The following PLA2G4F variants were observed in gnomAD, a reference collection of about 807,000 sequenced individuals.
PLA2G4F encodes cytosolic phospholipase A2 zeta.
In PLA2G4F, 105 loss-of-function variants were observed where a neutral mutation model predicts 103.1. The observed-to-expected ratio is 1.02, with a 90% CI of 0.87 to 1.20. The LOEUF (loss-of-function observed/expected upper bound fraction) is 1.20, where lower values mean the gene tolerates loss of function less well. PLA2G4F is among the 50% of genes most tolerant of loss of function. The probability of loss-of-function intolerance (pLI) is 0.00; values close to 1 mark genes in which losing one functional copy is unlikely to be tolerated. For missense variants in PLA2G4F, 1,155 were observed against 1,075.9 expected, an observed-to-expected ratio of 1.07 and a Z score of -1.03; for synonymous variants, 468 against 441.1, an observed-to-expected ratio of 1.06 and a Z score of -0.76.
Position 42,142,570 on chromosome 15 carries a change from A to T in PLA2G4F, c.2287T>A (p.Phe763Ile). ...EDPRSPIVLHFPLVNRTFRTH... is the reference protein window; with the variant it reads ...EDPRSPIVLHIPLVNRTFRTH... The stretch of plus-strand genomic sequence containing the variant: ...CGGAAGGTACGGTTAACCAGGGGGA[A>T]GTGCAGCACAATGGGGGAGCGGGGG... Residue 763 changes from phenylalanine (F) to isoleucine (I), a missense_variant, in exon 19 of 20, where the codon TTC becomes ATC. By Grantham distance (21) the Phe-to-Ile change is conservative. Coordinates refer to ENST00000397272, the MANE Select transcript of PLA2G4F (RefSeq NM_213600.4). 6.2e-7 allele frequency: 1 copy of T among 1,613,718 alleles called. No individual in the cohort carries two copies. The highest frequency in any genetic ancestry group is 1.1e-5 in the South Asian group (1 of 91,044).
In PLA2G4F at chr15:42,141,128, CA is replaced by C. The variant is rs2048823773; in HGVS notation, c.*855del. 1.9e-5 allele frequency: 8 copies of C among 412,234 alleles called. No individual in the cohort carries two copies. Among genetic ancestry groups the C allele is most frequent in the South Asian group, 1.2e-4 (7 of 57,048 alleles). 25.5% of individuals were successfully genotyped at this position (412,234 alleles called of 1,614,324 possible). Reference sequence around the variant, plus strand: ...AGTAACCCACCTCCAGGAACTTGCACACCCTCCTGCCCCACATACAGGTGCA... The same window carrying C: ...AGTAACCCACCTCCAGGAACTTGCACCCCTCCTGCCCCACATACAGGTGCA... On this transcript the variant is annotated 3_prime_UTR_variant, in exon 20 of 20. Coordinates refer to ENST00000397272, the MANE Select transcript of PLA2G4F (RefSeq NM_213600.4).
At chr15:42,148,930 T>C (rs2048923113) in intron 11 of PLA2G4F, 1 of 985,370 alleles carries the variant, frequency 1.0e-6, no homozygotes, top group African/African-American at 1.7e-5. Context: ...GCATACATAT[T>C]GCCCCAATGA....
In PLA2G4F at chr15:42,150,488, T is replaced by A; in HGVS notation, c.772-2A>T. 6.2e-7 allele frequency: 1 copy of A among 1,610,930 alleles called. No individual in the cohort carries two copies. The highest frequency in any genetic ancestry group is 8.5e-7 in the Non-Finnish European group (1 of 1,178,948). On this transcript the variant is annotated splice_acceptor_variant, in intron 8 of 19. Coordinates refer to ENST00000397272, the MANE Select transcript of PLA2G4F (RefSeq NM_213600.4). LOFTEE classifies it high-confidence loss of function. ...CTCCAACTCTGCGCTGGGGCCACTC[T>A]GTGGAAAAGAAAACACCCAAGAAGC...
intron 11 of PLA2G4F, among the ~76,000 whole-genome samples, chr15:42,148,388 G>A (rs1452152193): frequency 1.3e-5 from 2 of 152,134 alleles, no homozygotes; most frequent in Non-Finnish European, 2.9e-5. Flanking sequence ...AGCTACAGCA[G>A]GTTCCTCTCA....
intron 11 of PLA2G4F, chr15:42,148,866 C>T (rs1480696767): frequency 2.0e-6 from 2 of 985,310 alleles, no homozygotes; most frequent in African/African-American, 1.7e-5. Context: ...TCACAGAAGG[C>T]GCTGTCGCTT....
intron 4 of PLA2G4F, 65 bp from the exon 5 acceptor site, chr15:42,153,725 C>A (rs2048983066): frequency 8.9e-6 from 14 of 1,565,070 alleles, no homozygotes; most frequent in African/African-American, 1.4e-5. Flanking sequence ...GCTGTTCCTG[C>A]CTGCCAGCCC....
chr15:42,146,836 C>G (rs1199280442), intron 13 of PLA2G4F: 1 of 371,456 alleles, frequency 2.7e-6, no homozygotes, highest in Non-Finnish European at 5.0e-6. Context: ...ATCACTCTCT[C>G]TGGAAGGGGG....
At position 42,147,703 on chromosome 15, in the gene PLA2G4F, G is replaced by A. The variant is rs754475671; in HGVS notation, c.1119C>T (p.Tyr373=). 28 of 1,613,628 alleles carry A rather than the reference G, an allele frequency of 1.7e-5. 1 individual carries two copies. Among genetic ancestry groups the A allele is most frequent in the East Asian group, 8.9e-5 (4 of 44,854 alleles). Residue 373 remains tyrosine (Y), a synonymous_variant, in exon 12 of 20, where the codon TAC becomes TAT. Transcript: ENST00000397272. ...GCTCCTGCAACCCTGCCAGGCTGCC[G>A]TACAGAGAAGACATGGCTCGGGTTC... ...GGGTRAMSSL[Y]GSLAGLQELG...
At chr15:42,153,388 T>C (rs1439772106) in intron 5 of PLA2G4F, 46 bp from the exon 6 acceptor site, 3 of 1,592,836 alleles carry the variant, frequency 1.9e-6, no homozygotes, top group Admixed American at 1.7e-5. Flanking sequence ...GGCCCCATCA[T>C]GATGGCCTCT....
rs1373700293 is a variant in PLA2G4F at position 42,150,637 on chromosome 15, C to A, written c.742G>T (p.Glu248Ter). Residue 248 changes from glutamate to a stop codon, truncating the protein, a stop_gained, in exon 8 of 20, where the codon GAG (glutamate) becomes TAG (stop). Transcript: ENST00000397272. LOFTEE classifies it high-confidence loss of function. ...NPVLSSRLHV[E>*]LMELLAAVQS... ...ACAGCTGCCAGCAGCTCCATCAGCT[C>A]CACGTGTAGCCTGGAGCTCAGCACT... The A allele has an allele frequency of 1.2e-6, 2 of 1,612,690 alleles. No homozygotes were observed. The highest frequency in any genetic ancestry group is 1.7e-6 in the Non-Finnish European group (2 of 1,179,354).
chr15:42,148,474 G>T, intron 11 of PLA2G4F: 2 of 344,874 alleles, frequency 5.8e-6, no homozygotes, highest in Non-Finnish European at 8.2e-6. Context: ...AGGATGTTTA[G>T]CAGCATTTCT....
Position 42,144,495 on chromosome 15 carries a change from A to G in PLA2G4F, c.1930T>C (p.Leu644=). ...CTGCCAGCCACATAGTCCTTGTGCAAGCAGAGACCCCGGGTGAAGTTAAAG... is the reference window on the plus strand; with the variant it reads ...CTGCCAGCCACATAGTCCTTGTGCAGGCAGAGACCCCGGGTGAAGTTAAAG... The part of the protein sequence containing the change: ...QSFNFTRGLC[L]HKDYVAGREF... The change falls in exon 17 of 20, where the codon TTG becomes CTG. Residue 644 remains leucine (L), a synonymous_variant. Transcript: ENST00000397272. The G allele has an allele frequency of 6.2e-7, 1 of 1,612,350 alleles. No homozygotes were observed. The highest frequency in any genetic ancestry group is 8.5e-7 in the Non-Finnish European group (1 of 1,180,016).
At chr15:42,152,492 C>T (rs148910522) in intron 7 of PLA2G4F, among the ~76,000 whole-genome samples, 196 bp downstream of exon 7, 5 of 152,330 alleles carry the variant, frequency 3.3e-5, no homozygotes, top group South Asian at 2.1e-4. Context: ...AATAGTTGGG[C>T]GGATACAACC....
intron 10 of PLA2G4F, 76 bp downstream of exon 10, chr15:42,150,028 G>A: frequency 1.9e-6 from 3 of 1,597,092 alleles, no homozygotes; most frequent in Middle Eastern, 1.7e-4. Flanking sequence ...TTGGGCAAGA[G>A]AATGGAGCAC....
chr15:42,154,175 C>G lies in PLA2G4F; in HGVS notation c.367G>C (p.Asp123His). 4 of 1,614,164 alleles carry G rather than the reference C, an allele frequency of 2.5e-6. No individual in the cohort carries two copies. The highest frequency in any genetic ancestry group is 2.2e-5 in the South Asian group (2 of 91,044). The change falls in exon 4 of 20, where the codon GAC (aspartate) becomes CAC (histidine). Residue 123 changes from aspartate (D) to histidine (H), a missense_variant. Asp to His is a moderately conservative substitution (Grantham distance 81). Coordinates refer to ENST00000397272, the MANE Select transcript of PLA2G4F (RefSeq NM_213600.4). ...TLYDKDILGSDQLSLLLFDLR... is the reference protein window; with the variant it reads ...TLYDKDILGSHQLSLLLFDLR... ...TCAAACAGGAGCAGAGAGAGCTGGT[C>G]GCTGCCCAGGATGTCCTTGTCATAG...
chr15:42,152,572 C>T, intron 7 of PLA2G4F, 116 bp downstream of exon 7: 5 of 1,078,192 alleles, frequency 4.6e-6, no homozygotes, highest in East Asian at 2.6e-5. Flanking sequence ...CATCGTTAGT[C>T]GGCTTTGAGC....
At chr15:42,152,493 G>A (rs1344373852) in intron 7 of PLA2G4F, among the ~76,000 whole-genome samples, 195 bp downstream of exon 7, 3 of 152,218 alleles carry the variant, frequency 2.0e-5, no homozygotes, top group Non-Finnish European at 4.4e-5. Flanking sequence ...ATAGTTGGGC[G>A]GATACAACCT....
chr15:42,144,307 G>GT (rs2048856916), intron 17 of PLA2G4F, 143 bp downstream of exon 17: 1 of 1,379,626 alleles, frequency 7.2e-7, no homozygotes, highest in East Asian at 2.4e-5. Context: ...GCTTCCAGCA[G>GT]TATTTAGAGT....
At chr15:42,145,221 A>G (rs1408136026) in intron 16 of PLA2G4F, among the ~76,000 whole-genome samples, 1 of 152,214 alleles carries the variant, frequency 6.6e-6, no homozygotes, top group African/African-American at 2.4e-5. Context: ...GAACTGAAGA[A>G]CAGAGCAAAA....
Sources: gnomAD v4.1 joint callset for allele counts (sites outside exome capture counted in the v4.1 genomes callset) on GRCh38, gnomAD v4.1.1 for gene constraint, MANE v1.5 for transcripts, NCBI Gene and HGNC (gene_info 2026-07-23, HGNC 2026-07-21) for gene names.